ADAMTS12: variants seen among roughly 807,000 people sequenced by gnomAD.
ADAMTS12 encodes the protein A disintegrin and metalloproteinase with thrombospondin motifs 12.
Under a neutral mutation model 167.8 loss-of-function variants are expected in ADAMTS12, and 118 were observed. That is an observed-to-expected ratio of 0.70 (90% confidence interval 0.61 to 0.82). The LOEUF is 0.82. Ranked by LOEUF, ADAMTS12 falls within the 40% of genes least tolerant of loss-of-function variation. ADAMTS12 has a pLI of 0.00. For synonymous variants in ADAMTS12, 704 were observed against 716.9 expected, an observed-to-expected ratio of 0.98 and a Z score of 0.29; for missense variants, 1,916 against 1,998.8, an observed-to-expected ratio of 0.96 and a Z score of 0.79.
chr5:33,733,491 A>G lies in ADAMTS12; in HGVS notation c.634+17913T>C, dbSNP rs139325948. ...GACAGCCACGAATCTTAAGTAAGAG[A>G]CATTGTTAAGTTTCTAGTAGCTTGC... is the stretch of plus-strand genomic sequence containing the variant. On this transcript the variant is annotated intron_variant, in intron 3 of 23. Coordinates refer to ENST00000504830, the MANE Select transcript of ADAMTS12 (RefSeq NM_030955.4). 9.5e-4 allele frequency among the ~76,000 whole-genome samples: 144 copies of G among 152,348 alleles called. 3 individuals carry two copies. Among genetic ancestry groups the G allele is most frequent in the Non-Finnish European group, 1.1e-3 (77 of 68,028 alleles).
intron 3 of ADAMTS12, among the ~76,000 whole-genome samples, chr5:33,742,330 TAAA>T (rs3037104): frequency 5.0e-4 from 68 of 134,714 alleles, no homozygotes; most frequent in Non-Finnish European, 5.1e-4. Context: ...TCCTTCCCCG[TAAA>T]AAAAAAAAAA....
intron 20 of ADAMTS12, among the ~76,000 whole-genome samples, chr5:33,560,450 C>T (rs1417532830): frequency 6.6e-6 from 1 of 152,172 alleles, no homozygotes; most frequent in Non-Finnish European, 1.5e-5. Context: ...ATAAATCATG[C>T]TGCTATAAAG....
intron 19 of ADAMTS12, among the ~76,000 whole-genome samples, chr5:33,564,968 AT>A (rs775507138): frequency 6.6e-6 from 1 of 152,162 alleles, no homozygotes; most frequent in Non-Finnish European, 1.5e-5. Context: ...ACAGAGGCAA[AT>A]TGATATCAAT....
intron 2 of ADAMTS12, among the ~76,000 whole-genome samples, chr5:33,755,374 A>G (rs187239138): frequency 1.3e-3 from 193 of 152,326 alleles, no homozygotes; most frequent in African/African-American, 4.5e-3. Flanking sequence ...GCCAGCTGGT[A>G]TTTGACCTCC....
chr5:33,874,006 CTTG>C (rs935732114), intron 2 of ADAMTS12, among the ~76,000 whole-genome samples: 2 of 151,978 alleles, frequency 1.3e-5, no homozygotes, highest in African/African-American at 4.8e-5. Context: ...TCTAGATAAC[CTTG>C]TTTTTTTCAA....
At chr5:33,837,773 C>T (rs1748590230) in intron 2 of ADAMTS12, among the ~76,000 whole-genome samples, 1 of 152,186 alleles carries the variant, frequency 6.6e-6, no homozygotes, top group African/African-American at 2.4e-5. Flanking sequence ...CACTGAGTTA[C>T]TTAGTAAACA....
At chr5:33,796,801 CA>C (rs1342146483) in intron 2 of ADAMTS12, among the ~76,000 whole-genome samples, 2 of 152,148 alleles carry the variant, frequency 1.3e-5, no homozygotes, top group African/African-American at 4.8e-5. Flanking sequence ...GGAGCAACTT[CA>C]AAAGCCTCCC....
At chr5:33,867,987 T>C (rs186059025) in intron 2 of ADAMTS12, among the ~76,000 whole-genome samples, 3 of 152,232 alleles carry the variant, frequency 2.0e-5, no homozygotes, top group Admixed American at 6.5e-5. Flanking sequence ...TATTTAAAAG[T>C]GTGTAGCATC....
intron 2 of ADAMTS12, among the ~76,000 whole-genome samples, chr5:33,770,834 C>T (rs1745710034): frequency 6.7e-6 from 1 of 149,668 alleles, no homozygotes; most frequent in South Asian, 2.1e-4. Context: ...TCTTCTTCCT[C>T]TTCCCCTCCT....
At chr5:33,809,739 G>A (rs1747378505) in intron 2 of ADAMTS12, among the ~76,000 whole-genome samples, 1 of 152,076 alleles carries the variant, frequency 6.6e-6, no homozygotes. Context: ...AGGCTGCTGT[G>A]GGTGGGGATG....
At chr5:33,599,062 T>C (rs984090155) in intron 16 of ADAMTS12, among the ~76,000 whole-genome samples, 2 of 152,178 alleles carry the variant, frequency 1.3e-5, no homozygotes, top group African/African-American at 4.8e-5. Context: ...TAGGTGCCAC[T>C]CACATGAATA....
rs1228057342 is a variant in ADAMTS12, at chr5:33,891,717, AAG to A, written c.127+11_127+12del. 1.9e-6 allele frequency: 3 copies of A among 1,613,668 alleles called. No individual in the cohort carries two copies. The Admixed American group carries it at 5.0e-5, about 27-fold the overall frequency. Reference sequence around the variant, plus strand: ...ACCACTGTTTTAAAAAGAAATAAAGAAGAGTCACTAACCTTGCCTCCTGTCCG... The same window carrying A: ...ACCACTGTTTTAAAAAGAAATAAAGAAGTCACTAACCTTGCCTCCTGTCCG... On this transcript the variant is annotated intron_variant, in intron 1 of 23. Coordinates refer to ENST00000504830, the MANE Select transcript of ADAMTS12 (RefSeq NM_030955.4).
chr5:33,844,230 G>C (rs1412979034), intron 2 of ADAMTS12, among the ~76,000 whole-genome samples: 1 of 151,972 alleles, frequency 6.6e-6, no homozygotes. Context: ...ATGAAATCTG[G>C]GCACCTTGAA....
intron 2 of ADAMTS12, among the ~76,000 whole-genome samples, chr5:33,782,943 A>G (rs1423326737): frequency 6.7e-6 from 1 of 149,880 alleles, no homozygotes; most frequent in East Asian, 1.9e-4. Context: ...ACTGACACAG[A>G]ACATTTCCCT....
At chr5:33,767,577 G>C (rs921008813) in intron 2 of ADAMTS12, among the ~76,000 whole-genome samples, 1 of 152,032 alleles carries the variant, frequency 6.6e-6, no homozygotes, top group East Asian at 1.9e-4. Flanking sequence ...ATTTTTTTAA[G>C]GATACTAAAT....
intron 3 of ADAMTS12, chr5:33,751,168 T>C (rs1249487367): frequency 2.0e-6 from 1 of 504,916 alleles, no homozygotes; most frequent in African/African-American, 2.0e-5. Flanking sequence ...TATTTCCTTC[T>C]CATTAAGAAT....
intron 20 of ADAMTS12, among the ~76,000 whole-genome samples, chr5:33,550,065 C>T (rs755368): frequency 0.012 from 1,856 of 152,272 alleles, 13 homozygotes; most frequent in Middle Eastern, 0.041. Context: ...CACTTGCCCC[C>T]GATAGCCACT....
At chr5:33,579,974 C>T (rs576988121) in intron 18 of ADAMTS12, among the ~76,000 whole-genome samples, 49 of 151,996 alleles carry the variant, frequency 3.2e-4, no homozygotes, top group African/African-American at 1.1e-3. Flanking sequence ...GAGGTAGGTG[C>T]AGGCACATGT....
At chr5:33,684,111 T>G in intron 3 of ADAMTS12, 56 bp from the exon 4 acceptor site, 1 of 1,240,228 alleles carries the variant, frequency 8.1e-7, no homozygotes, top group Non-Finnish European at 1.0e-6. Flanking sequence ...ATATATTATC[T>G]ACTTATGTTA....
Sources: allele counts gnomAD v4.1 joint callset (sites outside exome capture counted in the v4.1 genomes callset), GRCh38; gene constraint gnomAD v4.1.1; transcripts MANE v1.5; gene names NCBI Gene and HGNC (gene_info 2026-07-23, HGNC 2026-07-21).